CUEDC2: variants seen among roughly 807,000 people sequenced by gnomAD.
The protein encoded by CUEDC2 is CUE domain containing 2, also known as CUE domain-containing protein 2.
A neutral mutation model predicts 36.0 loss-of-function variants in CUEDC2; 10 were observed. The ratio of observed to expected loss-of-function variants is 0.28; its 90% CI spans 0.17 to 0.47. The LOEUF (loss-of-function observed/expected upper bound fraction) is 0.47, where lower values mean the gene tolerates loss of function less well. Ranked by LOEUF, CUEDC2 falls within the 20% of genes least tolerant of loss-of-function variation. The pLI, the probability that CUEDC2 is intolerant of heterozygous loss-of-function variation, is 0.99. For synonymous variants in CUEDC2, 133 were observed against 141.8 expected (o/e 0.94, Z 0.44); for missense variants, 269 against 368.1 (o/e 0.73, Z 2.20).
Position 102,423,871 on chromosome 10 carries a change from G to T in CUEDC2, c.595-12C>A. Reference sequence around the variant, plus strand: ...CGTCTGGGCAGGTCCTGCAGAGAGGGGAGGCCTGGTCTAGGCCCAAGGGCA... The same window carrying T: ...CGTCTGGGCAGGTCCTGCAGAGAGGTGAGGCCTGGTCTAGGCCCAAGGGCA... On this transcript the variant is annotated splice_polypyrimidine_tract_variant and intron_variant, in intron 6 of 8. Transcript: ENST00000369937. This position sits in a 1 kb window ranked among gnomAD's most constrained non-coding sequence, Gnocchi z 5.6. The T allele has an allele frequency of 6.2e-7, 1 of 1,611,258 alleles. No homozygotes were observed.
At chr10:102,429,155 A>G (rs750365110) in intron 1 of CUEDC2, among the ~76,000 whole-genome samples, 3 of 152,176 alleles carry the variant, frequency 2.0e-5, no homozygotes, top group Non-Finnish European at 4.4e-5. Context: ...GCAGGCTGCA[A>G]GTTTTCTGAC....
At position 102,423,536 on chromosome 10, in the gene CUEDC2, C is replaced by T. The variant is rs758652096; in HGVS notation, c.754G>A (p.Val252Ile). ...AATCGCTCCCCTTTGGTGCTCACTACCTGGTTGTCGATGTATCGGATCAGC... is the reference window on the plus strand; with the variant it reads ...AATCGCTCCCCTTTGGTGCTCACTATCTGGTTGTCGATGTATCGGATCAGC... ...KKLIRYIDNQ[V>I]VSTKGERFKD... Residue 252 changes from valine to isoleucine, a missense_variant, in exon 9 of 9, where the codon GTA (valine) becomes ATA (isoleucine). Physicochemically the swap from Val to Ile is conservative, Grantham distance 29 (BLOSUM62 3). Transcript: ENST00000369937. This position sits in a 1 kb window ranked among gnomAD's most constrained non-coding sequence, Gnocchi z 5.6. 9.9e-6 allele frequency: 16 copies of T among 1,614,218 alleles called. No homozygotes were observed. The South Asian group carries it at 1.5e-4, about 16-fold the overall frequency.
At chr10:102,426,456 C>T (rs2061596907) in intron 1 of CUEDC2, among the ~76,000 whole-genome samples, 2 of 152,226 alleles carry the variant, frequency 1.3e-5, no homozygotes. Context: ...GCTGACACCA[C>T]TCACTCAGCT....
chr10:102,428,195 C>G (rs2061604753), intron 1 of CUEDC2, among the ~76,000 whole-genome samples: 1 of 152,194 alleles, frequency 6.6e-6, no homozygotes, highest in African/African-American at 2.4e-5. Flanking sequence ...CCTGCCTTGG[C>G]CTCCCAAAGT....
Position 102,423,635 on chromosome 10 carries a change from C to T in CUEDC2, c.717+22G>A. The T allele has an allele frequency of 6.2e-7, 1 of 1,614,168 alleles. No homozygotes were observed. On this transcript the variant is annotated intron_variant, in intron 8 of 8. Coordinates refer to ENST00000369937, the MANE Select transcript of CUEDC2 (RefSeq NM_024040.3). The surrounding 1 kb of genome is among the most constrained non-coding windows in gnomAD (Gnocchi z 5.6). ...GCCAGTCCCACCCATTCCGCATCCCCAGCAACCCTTAACTCTCTCACCTCC... is the reference window on the plus strand; with the variant it reads ...GCCAGTCCCACCCATTCCGCATCCCTAGCAACCCTTAACTCTCTCACCTCC...
chr10:102,427,060 C>T (rs1012043284), intron 1 of CUEDC2, among the ~76,000 whole-genome samples: 2 of 151,728 alleles, frequency 1.3e-5, no homozygotes, highest in Admixed American at 6.6e-5. Context: ...TGGTTTTGAT[C>T]TACAAAAAAA....
Position 102,424,456 on chromosome 10 carries a change from G to A in CUEDC2, c.280+43C>T, listed in dbSNP as rs41287462. 356,455 of 1,613,912 alleles carry A rather than the reference G, an allele frequency of 0.22. 41,728 individuals are homozygous for A. The highest frequency in any genetic ancestry group is 0.34 in the South Asian group (31,137 of 91,080). On this transcript the variant is annotated intron_variant, in intron 4 of 8. Coordinates refer to ENST00000369937, the MANE Select transcript of CUEDC2 (RefSeq NM_024040.3). This position sits in a 1 kb window ranked among gnomAD's most constrained non-coding sequence, Gnocchi z 4.2. The stretch of plus-strand genomic sequence containing the variant: ...CTCTGGGGAGCAGGCAGTTGGGGGA[G>A]CGGGATTATGAATCACTCAGGTGCC...
Position 102,424,238 on chromosome 10 carries a change from T to C in CUEDC2, c.411+26A>G. On this transcript the variant is annotated intron_variant, in intron 5 of 8. Transcript: ENST00000369937. This position sits in a 1 kb window ranked among gnomAD's most constrained non-coding sequence, Gnocchi z 4.2. ...CCCCCTTTCCAGCCCCCTGGGTCCC[T>C]CATCGGTACCCTCCTCTACCAGTAC... The C allele has an allele frequency of 1.9e-6, 3 of 1,611,346 alleles. No homozygotes were observed. In the East Asian group the frequency reaches 6.7e-5, roughly 36 times the overall value.
chr10:102,429,021 C>CAAAAA (rs11352968), intron 1 of CUEDC2, among the ~76,000 whole-genome samples: 97 of 102,166 alleles, frequency 9.5e-4, no homozygotes, highest in African/African-American at 4.0e-3. Flanking sequence ...GACTTTGTCT[C>CAAAAA]AAAAAAAAAA....
chr10:102,425,831 C>T (rs1163226124), intron 1 of CUEDC2, among the ~76,000 whole-genome samples: 2 of 152,050 alleles, frequency 1.3e-5, no homozygotes, highest in African/African-American at 4.8e-5. Context: ...GGCCCTCTCC[C>T]AGCTCTCCAG....
At chr10:102,431,412 G>C (rs553225785) in intron 1 of CUEDC2, among the ~76,000 whole-genome samples, 33 of 152,250 alleles carry the variant, frequency 2.2e-4, no homozygotes, top group African/African-American at 7.9e-4. Context: ...CCAAAGTGCT[G>C]GGATTACAGG....
chr10:102,426,268 CTGTT>C (rs1458156154), intron 1 of CUEDC2, among the ~76,000 whole-genome samples: 1 of 152,192 alleles, frequency 6.6e-6, no homozygotes, highest in Non-Finnish European at 1.5e-5. Context: ...TCCCAAAAGT[CTGTT>C]TGGGAGTCAG....
At chr10:102,429,033 A>AAAAAAG (rs1278781795) in intron 1 of CUEDC2, among the ~76,000 whole-genome samples, 1 of 151,910 alleles carries the variant, frequency 6.6e-6, no homozygotes, top group African/African-American at 2.4e-5. Flanking sequence ...AAAAAAAAAA[A>AAAAAAG]AAAAGAAAAG....
Position 102,423,841 on chromosome 10 carries a change from T to C in CUEDC2, c.613A>G (p.Arg205Gly), listed in dbSNP as rs2061584429. ...TTCAGCTCATCCTTTTGGGGGCCTC[T>C]GAGGCGTCTGGGCAGGTCCTGCAGA... ...GPNQDLPRRL[R>G]GPQKDELKSF... Residue 205 changes from arginine (R) to glycine (G), a missense_variant, in exon 7 of 9, where the codon AGA becomes GGA. Arg to Gly is a moderately radical substitution (Grantham distance 125, BLOSUM62 -2). Transcript: ENST00000369937. This position sits in a 1 kb window ranked among gnomAD's most constrained non-coding sequence, Gnocchi z 5.6. 6.2e-7 allele frequency: 1 copy of C among 1,613,494 alleles called. No homozygotes were observed. The highest frequency in any genetic ancestry group is 1.1e-5 in the South Asian group (1 of 91,026).
At position 102,426,287 on chromosome 10, in the gene CUEDC2, A is replaced by G. The variant is rs559654701; in HGVS notation, c.-10-1089T>C. ...AAAAGTCTGTTTGGGAGTCAGGAGC[A>G]TATGGGTGGTAATGAATGGCTCCAG... On this transcript the variant is annotated intron_variant, in intron 1 of 8. Coordinates refer to ENST00000369937, the MANE Select transcript of CUEDC2 (RefSeq NM_024040.3). Among the ~76,000 whole-genome samples the G allele has an allele frequency of 5.9e-5, 9 of 152,290 alleles. 2 individuals are homozygous for G. The highest frequency in any genetic ancestry group is 2.2e-4 in the African/African-American group (9 of 41,554).
rs1565236782 is a variant in CUEDC2, at chr10:102,424,714, G to A, written c.153C>T (p.Asn51=). The A allele has an allele frequency of 6.2e-7, 1 of 1,614,152 alleles. No individual in the cohort carries two copies. Among genetic ancestry groups the A allele is most frequent in the Non-Finnish European group, 8.5e-7 (1 of 1,180,016 alleles). Residue 51 remains asparagine, a synonymous_variant, in exon 3 of 9, where the codon AAC becomes AAT. Transcript: ENST00000369937. This position sits in a 1 kb window ranked among gnomAD's most constrained non-coding sequence, Gnocchi z 4.2. ...DLGPSGPSEE[N]FDMEAFTEMM... ...TCTCAGTGAAAGCCTCCATATCGAAGTTCTCCTCTGATGGGCCCGAGGGGC... is the reference window on the plus strand; with the variant it reads ...TCTCAGTGAAAGCCTCCATATCGAAATTCTCCTCTGATGGGCCCGAGGGGC...
intron 1 of CUEDC2, among the ~76,000 whole-genome samples, chr10:102,425,942 C>T (rs954029263): frequency 1.2e-4 from 18 of 152,090 alleles, no homozygotes; most frequent in Admixed American, 8.5e-4. Flanking sequence ...ATCCATGGCT[C>T]GTCCAGTCAC....
At chr10:102,431,943 T>C (rs1202444954) in intron 1 of CUEDC2, among the ~76,000 whole-genome samples, 1 of 151,992 alleles carries the variant, frequency 6.6e-6, no homozygotes, top group African/African-American at 2.4e-5. Context: ...GAGCAGGCCA[T>C]GTGGGAGGAG....
At position 102,424,972 on chromosome 10, in the gene CUEDC2, G is replaced by GCCCA. The variant is rs2061590633; in HGVS notation, c.74+142_74+143insTGGG. 9 of 935,336 alleles carry GCCCA rather than the reference G, an allele frequency of 9.6e-6. No homozygotes were observed. The highest frequency in any genetic ancestry group is 6.6e-5 in the Admixed American group (3 of 45,434). 57.9% of individuals were successfully genotyped at this position (935,336 alleles called of 1,614,324 possible). On this transcript the variant is annotated intron_variant, in intron 2 of 8. Coordinates refer to ENST00000369937, the MANE Select transcript of CUEDC2 (RefSeq NM_024040.3). This position sits in a 1 kb window ranked among gnomAD's most constrained non-coding sequence, Gnocchi z 4.2. The stretch of plus-strand genomic sequence containing the variant: ...GGTTTCCCATCTGCCCAACAAAGGT[G>GCCCA]ACAGGGACAGGATGAGAGGTAAGGC...
Sources: gnomAD v4.1 joint callset for allele counts (sites outside exome capture counted in the v4.1 genomes callset) on GRCh38, gnomAD v4.1.1 for gene constraint, Gnocchi (gnomAD v3.1) non-coding constraint, MANE v1.5 for transcripts, NCBI Gene and HGNC (gene_info 2026-07-23, HGNC 2026-07-21) for gene names.